KCNH1: variants seen among roughly 807,000 people sequenced by gnomAD.
KCNH1 encodes potassium voltage-gated channel subfamily H member 1, also known as voltage-gated delayed rectifier potassium channel KCNH1.
A neutral mutation model predicts 69.2 loss-of-function variants in KCNH1; 27 were observed. The ratio of observed to expected loss-of-function variants is 0.39; its 90% CI spans 0.29 to 0.54. KCNH1 has a LOEUF of 0.54. KCNH1 is among the 20% of genes least tolerant of loss of function. KCNH1 has a pLI of 0.68. For missense variants in KCNH1, 798 were observed against 1,261.6 expected, an observed-to-expected ratio of 0.63 and a Z score of 5.57; for synonymous variants, 456 against 487.7, an observed-to-expected ratio of 0.93 and a Z score of 0.86.
At chr1:210,902,793 T>C (rs1293597327) in intron 7 of KCNH1, among the ~76,000 whole-genome samples, 2 of 152,184 alleles carry the variant, frequency 1.3e-5, no homozygotes, top group Non-Finnish European at 2.9e-5. Flanking sequence ...CCACTACCAC[T>C]GCCTTTGCTC....
chr1:211,024,423 A>G (rs1327597111), intron 5 of KCNH1, among the ~76,000 whole-genome samples: 2 of 152,198 alleles, frequency 1.3e-5, no homozygotes, highest in Admixed American at 6.5e-5. Flanking sequence ...TATCAGGAAA[A>G]GAAAGAAGTC....
chr1:210,891,652 G>A (rs1686753441), intron 7 of KCNH1, among the ~76,000 whole-genome samples: 1 of 152,032 alleles, frequency 6.6e-6, no homozygotes, highest in Non-Finnish European at 1.5e-5. Flanking sequence ...GGAAAACAAT[G>A]TGGCGATTCT....
At chr1:210,910,343 CA>C (rs1426854598) in intron 7 of KCNH1, among the ~76,000 whole-genome samples, 2 of 150,552 alleles carry the variant, frequency 1.3e-5, no homozygotes, top group African/African-American at 2.4e-5. Context: ...TGTCTTTTGA[CA>C]CATGGTAAAC....
At chr1:210,830,526 C>A (rs1685136138) in intron 7 of KCNH1, among the ~76,000 whole-genome samples, 1 of 152,080 alleles carries the variant, frequency 6.6e-6, no homozygotes, top group Admixed American at 6.6e-5. Flanking sequence ...CAGAATAAAC[C>A]AGATTCTGTG....
intron 7 of KCNH1, among the ~76,000 whole-genome samples, chr1:210,911,430 T>C (rs1687228834): frequency 6.6e-6 from 1 of 152,158 alleles, no homozygotes. Flanking sequence ...TCAATTATAA[T>C]GTGGAGATGT....
chr1:210,852,194 C>G (rs1685720748), intron 7 of KCNH1, among the ~76,000 whole-genome samples: 1 of 152,110 alleles, frequency 6.6e-6, no homozygotes, highest in South Asian at 2.1e-4. Flanking sequence ...TCAGAGAAAA[C>G]AGTGGAGAAG....
At chr1:210,779,189 G>A (rs781036974) in intron 9 of KCNH1, among the ~76,000 whole-genome samples, 18 of 152,290 alleles carry the variant, frequency 1.2e-4, no homozygotes, top group Admixed American at 2.0e-4. Flanking sequence ...TTAATCTGTA[G>A]GGTCTAAGAG....
At chr1:210,929,050 A>G (rs1449301124) in intron 6 of KCNH1, among the ~76,000 whole-genome samples, 1 of 152,164 alleles carries the variant, frequency 6.6e-6, no homozygotes, top group African/African-American at 2.4e-5. Flanking sequence ...ATTTCTGACA[A>G]GAAAAAGTCA....
chr1:211,073,944 A>G (rs1180439015), intron 5 of KCNH1, among the ~76,000 whole-genome samples: 1 of 151,998 alleles, frequency 6.6e-6, no homozygotes, highest in Admixed American at 6.5e-5. Context: ...ATCAATAAAA[A>G]TCAATAAGCC....
intron 7 of KCNH1, among the ~76,000 whole-genome samples, chr1:210,817,783 C>T (rs2102422227): frequency 6.6e-6 from 1 of 152,284 alleles, no homozygotes. Context: ...ATACATAGAG[C>T]TAGATTCAAA....
chr1:210,766,894 A>G (rs1312094033), intron 10 of KCNH1, among the ~76,000 whole-genome samples: 1 of 152,282 alleles, frequency 6.6e-6, no homozygotes, highest in Non-Finnish European at 1.5e-5. Flanking sequence ...GAGAACTAAC[A>G]TTTCTTTTTA....
At chr1:210,869,777 A>G (rs939804467) in intron 7 of KCNH1, among the ~76,000 whole-genome samples, 31 of 152,088 alleles carry the variant, frequency 2.0e-4, no homozygotes, top group African/African-American at 7.0e-4. Flanking sequence ...TTAAGCAAGG[A>G]CCCTAAATTT....
rs2102372148 is a variant in KCNH1 at position 210,775,556 on chromosome 1, AG to A, written c.1916-13del. 1 of 1,609,516 alleles carries A rather than the reference AG, an allele frequency of 6.2e-7. No individual in the cohort carries two copies. Among genetic ancestry groups the A allele is most frequent in the Admixed American group, 1.7e-5 (1 of 59,906 alleles). ...CACGTCTCCTTTTCCTAAGGAGAGA[AG>A]GTTGTCATGAGGAAAGTGTTGGCCA... is the stretch of plus-strand genomic sequence containing the variant. On this transcript the variant is annotated splice_polypyrimidine_tract_variant and intron_variant, in intron 9 of 10. Coordinates refer to ENST00000271751, the MANE Select transcript of KCNH1 (RefSeq NM_172362.3).
Position 211,008,960 on chromosome 1 carries a change from A to T in KCNH1, c.1032+9823T>A, listed in dbSNP as rs185302018. Among the ~76,000 whole-genome samples, 534 of 152,314 alleles carry T rather than the reference A, an allele frequency of 3.5e-3. 6 individuals are homozygous for T. The highest frequency in any genetic ancestry group is 0.013 in the South Asian group (64 of 4,820). On this transcript the variant is annotated intron_variant, in intron 6 of 10. Coordinates refer to ENST00000271751, the MANE Select transcript of KCNH1 (RefSeq NM_172362.3). The stretch of plus-strand genomic sequence containing the variant: ...AGGGTTCTCAGGGAAAGCCACTCTA[A>T]TCATGTAACGTTGAGCAAACACCTC...
At chr1:211,126,339 T>C (rs2102501732) in intron 1 of KCNH1, among the ~76,000 whole-genome samples, 1 of 152,146 alleles carries the variant, frequency 6.6e-6, no homozygotes, top group Middle Eastern at 3.4e-3. Flanking sequence ...TGAAGCCCTA[T>C]CTCTACTAAA....
At chr1:211,008,925 A>T (rs1339341416) in intron 6 of KCNH1, among the ~76,000 whole-genome samples, 1 of 152,214 alleles carries the variant, frequency 6.6e-6, no homozygotes, top group Non-Finnish European at 1.5e-5. Context: ...AAAGGATAGA[A>T]ATTTGTAGTA....
At chr1:211,132,241 C>T (rs1691888865) in intron 1 of KCNH1, among the ~76,000 whole-genome samples, 1 of 152,172 alleles carries the variant, frequency 6.6e-6, no homozygotes, top group Non-Finnish European at 1.5e-5. Flanking sequence ...AAGATTGTCT[C>T]CATACCCCTT....
intron 10 of KCNH1, among the ~76,000 whole-genome samples, chr1:210,687,908 GACTCCCA>G (rs1324263194): frequency 6.6e-6 from 1 of 152,146 alleles, no homozygotes; most frequent in East Asian, 1.9e-4. Context: ...CGATGGGCAT[GACTCCCA>G]ACTCCCTAAC....
At chr1:210,839,885 A>G (rs1441779027) in intron 7 of KCNH1, among the ~76,000 whole-genome samples, 3 of 152,178 alleles carry the variant, frequency 2.0e-5, no homozygotes, top group Non-Finnish European at 4.4e-5. Context: ...CTTCTCTAGG[A>G]CAAATGAAGA....
Sources: gnomAD v4.1 joint callset for allele counts (sites outside exome capture counted in the v4.1 genomes callset) on GRCh38, gnomAD v4.1.1 for gene constraint, MANE v1.5 for transcripts, NCBI Gene and HGNC (gene_info 2026-07-23, HGNC 2026-07-21) for gene names.